The following YTHDF2 variants were observed in gnomAD, a reference collection of about 807,000 sequenced individuals.
YTHDF2 encodes YTH domain-containing family protein 2.
YTHDF2 carries 2 observed loss-of-function variants against 50.4 expected under a neutral mutation model. The ratio of observed to expected loss-of-function variants is 0.04; its 90% CI spans 0.02 to 0.12. YTHDF2 has a LOEUF of 0.12. Ranked by LOEUF, YTHDF2 falls within the 10% of genes least tolerant of loss-of-function variation. YTHDF2 has a pLI of 1.00. For synonymous variants in YTHDF2, 217 were observed against 255.6 expected, an observed-to-expected ratio of 0.85 and a Z score of 1.44; for missense variants, 483 against 722.6, an observed-to-expected ratio of 0.67 and a Z score of 3.80.
intron 4 of YTHDF2, among the ~76,000 whole-genome samples, chr1:28,767,005 A>ATTT (rs549118209): frequency 0.056 from 7,365 of 131,826 alleles, 741 homozygotes; most frequent in African/African-American, 0.2. Flanking sequence ...TAATTAAAAG[A>ATTT]TTTTTTTTTT....
At chr1:28,756,708 G>A (rs1215621014) in intron 4 of YTHDF2, among the ~76,000 whole-genome samples, 1 of 152,152 alleles carries the variant, frequency 6.6e-6, no homozygotes, top group Admixed American at 6.6e-5. Flanking sequence ...GGTGTTGGGT[G>A]ATTTAGTCTG....
At chr1:28,765,406 A>T (rs2088201181) in intron 4 of YTHDF2, among the ~76,000 whole-genome samples, 2 of 146,352 alleles carry the variant, frequency 1.4e-5, no homozygotes. Flanking sequence ...CCCCAGTTTT[A>T]TGTTTTGAAA....
intron 3 of YTHDF2, chr1:28,739,244 A>G (rs1471357248): frequency 3.3e-5 from 5 of 151,904 alleles, no homozygotes; most frequent in Non-Finnish European, 7.4e-5. Flanking sequence ...GTGCTGCAGG[A>G]CTGGCTGTCT....
At chr1:28,744,131 G>T in intron 4 of YTHDF2, 145 bp downstream of exon 4, 2 of 913,690 alleles carry the variant, frequency 2.2e-6, no homozygotes, top group Non-Finnish European at 3.1e-6. Flanking sequence ...AAGTATAATT[G>T]GTTTTAATAC....
chr1:28,761,988 G>T (rs1447947958), intron 4 of YTHDF2, among the ~76,000 whole-genome samples: 1 of 152,136 alleles, frequency 6.6e-6, no homozygotes, highest in East Asian at 1.9e-4. Context: ...CTAAAGTCAA[G>T]TCATTAGACT....
At chr1:28,751,079 C>T (rs1320831336) in intron 4 of YTHDF2, among the ~76,000 whole-genome samples, 3 of 69,166 alleles carry the variant, frequency 4.3e-5, no homozygotes, top group Non-Finnish European at 8.5e-5. Flanking sequence ...TGTGACAGAG[C>T]GAGACTGTCT....
At chr1:28,749,262 G>T (rs932148749) in intron 4 of YTHDF2, among the ~76,000 whole-genome samples, 4 of 147,200 alleles carry the variant, frequency 2.7e-5, no homozygotes, top group African/African-American at 1.0e-4. Flanking sequence ...CGCATTCTCG[G>T]CCCACTGCAA....
intron 4 of YTHDF2, among the ~76,000 whole-genome samples, chr1:28,765,971 C>G (rs1485801101): frequency 2.6e-5 from 4 of 152,172 alleles, no homozygotes; most frequent in Non-Finnish European, 5.9e-5. Flanking sequence ...TTAATTGACA[C>G]AATGTTGTTA....
Position 28,736,942 on chromosome 1 carries a change from A to G in YTHDF2, c.-179A>G. On this transcript the variant is annotated 5_prime_UTR_variant, in exon 1 of 5. Coordinates refer to ENST00000373812, the MANE Select transcript of YTHDF2 (RefSeq NM_016258.3). ...GACGGGCATTGAGCTCTTGGGCTAG[A>G]GCGTCGCCGAGTCGGAGCCGGAGCC... 2.9e-6 allele frequency: 2 copies of G among 693,496 alleles called. No homozygotes were observed. Among genetic ancestry groups the G allele is most frequent in the Non-Finnish European group, 4.7e-6 (2 of 422,416 alleles). 43.0% of individuals were successfully genotyped at this position (693,496 alleles called of 1,614,324 possible). A position where few individuals can be genotyped will look rare whatever the true frequency, so the allele number is the denominator to read the frequency against.
At chr1:28,757,746 A>G (rs1179214720) in intron 4 of YTHDF2, among the ~76,000 whole-genome samples, 1 of 152,144 alleles carries the variant, frequency 6.6e-6, no homozygotes, top group Non-Finnish European at 1.5e-5. Context: ...AAAAGAAATC[A>G]CCTGTAATTC....
At chr1:28,737,795 C>CTT in intron 2 of YTHDF2, 113 bp downstream of exon 2, 2 of 1,265,794 alleles carry the variant, frequency 1.6e-6, no homozygotes, top group South Asian at 2.6e-5. Flanking sequence ...GCTTAGTTCG[C>CTT]AGGTGCCGCA....
chr1:28,737,828 C>T (rs1358057281), intron 2 of YTHDF2, 146 bp downstream of exon 2: 3 of 881,648 alleles, frequency 3.4e-6, no homozygotes, highest in Non-Finnish European at 5.1e-6. Context: ...TTGACCCTTT[C>T]GGTGTGTTCT....
At chr1:28,748,915 A>T (rs2087905582) in intron 4 of YTHDF2, among the ~76,000 whole-genome samples, 2 of 152,208 alleles carry the variant, frequency 1.3e-5, no homozygotes. Flanking sequence ...TTAAAATAAC[A>T]CTACACTGAA....
At chr1:28,757,939 T>C (rs962938518) in intron 4 of YTHDF2, among the ~76,000 whole-genome samples, 1 of 152,176 alleles carries the variant, frequency 6.6e-6, no homozygotes, top group African/African-American at 2.4e-5. Context: ...TCATATATCC[T>C]CAATCTCTTG....
At chr1:28,753,783 T>C (rs986125420) in intron 4 of YTHDF2, among the ~76,000 whole-genome samples, 3 of 151,390 alleles carry the variant, frequency 2.0e-5, no homozygotes, top group Non-Finnish European at 4.4e-5. Context: ...CTTGGCTCGC[T>C]GCAGCCTCCC....
intron 2 of YTHDF2, 187 bp downstream of exon 2, chr1:28,737,869 A>G: frequency 1.6e-6 from 1 of 613,500 alleles, no homozygotes; most frequent in Non-Finnish European, 2.8e-6. Flanking sequence ...TTCGCTAACA[A>G]GGAGTAATTC....
chr1:28,736,774 T>A (rs1009091144), upstream of YTHDF2: 1 of 305,274 alleles, frequency 3.3e-6, no homozygotes, highest in Non-Finnish European at 6.2e-6. Flanking sequence ...GCCTCTCCCT[T>A]CCCGGGGTTC....
intron 3 of YTHDF2, among the ~76,000 whole-genome samples, chr1:28,741,186 C>T (rs1428766812): frequency 2.0e-5 from 3 of 151,598 alleles, no homozygotes; most frequent in Admixed American, 6.6e-5. Flanking sequence ...TTAGTAGAGA[C>T]GGGCTTTCAC....
chr1:28,764,182 C>T (rs913234356), intron 4 of YTHDF2, among the ~76,000 whole-genome samples: 55 of 151,588 alleles, frequency 3.6e-4, no homozygotes, highest in African/African-American at 1.2e-3. Flanking sequence ...AACTCCCGAC[C>T]TCAGGTGATC....
Sources: gnomAD v4.1 joint callset for allele counts (sites outside exome capture counted in the v4.1 genomes callset) on GRCh38, gnomAD v4.1.1 for gene constraint, MANE v1.5 for transcripts, NCBI Gene and HGNC (gene_info 2026-07-23, HGNC 2026-07-21) for gene names.